Variants in ABLIM3 observed in about 807,000 individuals in gnomAD.
ABLIM3 encodes actin binding LIM protein family member 3.
A neutral mutation model predicts 109.5 loss-of-function variants in ABLIM3; 61 were observed. The ratio of observed to expected loss-of-function variants is 0.56; its 90% CI spans 0.45 to 0.69. The LOEUF (loss-of-function observed/expected upper bound fraction) is 0.69. ABLIM3 is among the 30% of genes least tolerant of loss of function. The pLI is 0.00. For missense variants in ABLIM3, 796 were observed against 889.5 expected, an observed-to-expected ratio of 0.89 and a Z score of 1.34; for synonymous variants, 300 against 324.8, an observed-to-expected ratio of 0.92 and a Z score of 0.82.
At chr5:149,213,181 A>G (rs903299764) in intron 7 of ABLIM3, among the ~76,000 whole-genome samples, 6 of 152,176 alleles carry the variant, frequency 3.9e-5, no homozygotes, top group African/African-American at 1.4e-4. Context: ...GGCCTGGAGG[A>G]GCCAATCTTA....
Position 149,246,498 on chromosome 5 carries a change from G to C in ABLIM3, c.1503G>C (p.Arg501Ser). Residue 501 changes from arginine to serine, a missense_variant, in exon 17 of 24, where the codon AGG becomes AGC. Coordinates refer to ENST00000309868, the MANE Select transcript of ABLIM3 (RefSeq NM_014945.5). ...TTTTGACAGTGCCCCGAGCCAGAAG[G>C]TTCTCGTCTGGAGGAGAGGAGGATG... ...HGSPKVPRAR[R>S]FSSGGEEDDF... is the part of the protein sequence containing the mutation. The C allele has an allele frequency of 6.2e-7, 1 of 1,614,138 alleles. No individual in the cohort carries two copies. The highest frequency in any genetic ancestry group is 1.1e-5 in the South Asian group (1 of 91,080).
intron 8 of ABLIM3, among the ~76,000 whole-genome samples, chr5:149,223,793 C>T (rs1760904569): frequency 6.6e-6 from 1 of 152,172 alleles, no homozygotes; most frequent in Non-Finnish European, 1.5e-5. Flanking sequence ...CAGAGACGGA[C>T]AAGCAGGTTA....
At chr5:149,243,000 C>G (rs907963935) in intron 15 of ABLIM3, among the ~76,000 whole-genome samples, 8 of 152,116 alleles carry the variant, frequency 5.3e-5, no homozygotes, top group Non-Finnish European at 1.0e-4. Context: ...CTTGGGAACC[C>G]CTGCTGTAAG....
chr5:149,245,423 A>G (rs1753252276), intron 16 of ABLIM3, among the ~76,000 whole-genome samples: 1 of 152,254 alleles, frequency 6.6e-6, no homozygotes, highest in East Asian at 1.9e-4. Flanking sequence ...GCAAAGACCC[A>G]GGATGTGAGA....
At chr5:149,250,713 A>G (rs1753838338) in intron 20 of ABLIM3, among the ~76,000 whole-genome samples, 1 of 152,174 alleles carries the variant, frequency 6.6e-6, no homozygotes, top group Non-Finnish European at 1.5e-5. Flanking sequence ...GGGAACAACT[A>G]GTACTTATTG....
At chr5:149,210,486 A>C (rs1430341801) in intron 6 of ABLIM3, among the ~76,000 whole-genome samples, 2 of 152,248 alleles carry the variant, frequency 1.3e-5, no homozygotes, top group African/African-American at 4.8e-5. Flanking sequence ...CTGTCCGCCA[A>C]GTGATAAACA....
intron 2 of ABLIM3, among the ~76,000 whole-genome samples, chr5:149,159,155 A>C (rs922986125): frequency 1.3e-5 from 2 of 152,258 alleles, no homozygotes; most frequent in Non-Finnish European, 2.9e-5. Flanking sequence ...ATGGATAAAC[A>C]ATCTGTGATT....
intron 5 of ABLIM3, 22 bp downstream of exon 5, chr5:149,200,450 C>T (rs1284318231): frequency 2.5e-6 from 4 of 1,605,530 alleles, no homozygotes; most frequent in Non-Finnish European, 3.4e-6. Context: ...CCACGGGTAT[C>T]TCCCTGTCCA....
At chr5:149,221,328 A>G (rs1279983353) in intron 8 of ABLIM3, among the ~76,000 whole-genome samples, 1 of 152,226 alleles carries the variant, frequency 6.6e-6, no homozygotes, top group African/African-American at 2.4e-5. Flanking sequence ...TGGGGACTCC[A>G]TAAAGCAACT....
intron 2 of ABLIM3, among the ~76,000 whole-genome samples, chr5:149,149,875 G>A (rs897236099): frequency 3.9e-5 from 6 of 152,184 alleles, no homozygotes; most frequent in African/African-American, 1.4e-4. Flanking sequence ...TGTGGCTCAT[G>A]ACCCACTGCT....
rs1248916631 is a variant in ABLIM3, at chr5:149,258,976, G to C, written c.*572G>C. 2.1e-5 allele frequency: 21 copies of C among 991,642 alleles called. No homozygotes were observed. The highest frequency in any genetic ancestry group is 5.7e-5 in the Admixed American group (1 of 17,484). 61.4% of individuals were successfully genotyped at this position (991,642 alleles called of 1,614,324 possible). A position where few individuals can be genotyped will look rare whatever the true frequency, so the allele number is the denominator to read the frequency against. On this transcript the variant is annotated 3_prime_UTR_variant, in exon 24 of 24. Transcript: ENST00000309868. ...AATCTAGTCATTACACCAGTCAACA[G>C]AAGTGGACAGGGCCTAGGCCTCTCC...
chr5:149,226,584 G>T (rs926609384), intron 8 of ABLIM3, among the ~76,000 whole-genome samples: 5 of 152,188 alleles, frequency 3.3e-5, no homozygotes, highest in Non-Finnish European at 7.3e-5. Context: ...AGTGGGAAGG[G>T]CTGGGAGTCA....
intron 8 of ABLIM3, among the ~76,000 whole-genome samples, chr5:149,230,175 C>G: frequency 6.6e-6 from 1 of 152,174 alleles, no homozygotes; most frequent in Non-Finnish European, 1.5e-5. Flanking sequence ...CCTCTTCACC[C>G]CACAAACATG....
intron 23 of ABLIM3, 124 bp downstream of exon 23, chr5:149,252,961 AAGC>A: frequency 1.4e-6 from 1 of 716,340 alleles, no homozygotes; most frequent in East Asian, 2.9e-5. Context: ...CTTATTGAAA[AAGC>A]AGGGACTTGA....
intron 2 of ABLIM3, among the ~76,000 whole-genome samples, chr5:149,157,357 T>C (rs1753945371): frequency 6.6e-6 from 1 of 152,160 alleles, no homozygotes; most frequent in Non-Finnish European, 1.5e-5. Context: ...TTGCTCCCGA[T>C]TCACATTTCC....
intron 7 of ABLIM3, among the ~76,000 whole-genome samples, chr5:149,215,650 C>G (rs543237215): frequency 6.6e-6 from 1 of 152,256 alleles, no homozygotes; most frequent in African/African-American, 2.4e-5. Context: ...CCTTTAAGAA[C>G]CCCTAACATC....
chr5:149,239,353 C>A, intron 12 of ABLIM3, 76 bp downstream of exon 12: 1 of 1,516,248 alleles, frequency 6.6e-7, no homozygotes, highest in South Asian at 1.1e-5. Context: ...CCCCAGCCCC[C>A]CGAAGGTGTC....
chr5:149,203,468 T>G (rs988147123), intron 5 of ABLIM3, among the ~76,000 whole-genome samples: 1 of 151,884 alleles, frequency 6.6e-6, no homozygotes, highest in African/African-American at 2.4e-5. Flanking sequence ...ATCGTCACCA[T>G]CATCATGACC....
intron 7 of ABLIM3, 111 bp from the exon 8 acceptor site, chr5:149,216,848 C>T (rs1401578667): frequency 3.2e-6 from 3 of 947,082 alleles, no homozygotes; most frequent in Admixed American, 2.0e-5. Context: ...AACTTTAGGG[C>T]CATGAAGATG....
Sources: gnomAD v4.1 joint callset for allele counts (sites outside exome capture counted in the v4.1 genomes callset) on GRCh38, gnomAD v4.1.1 for gene constraint, MANE v1.5 for transcripts, NCBI Gene and HGNC (gene_info 2026-07-23, HGNC 2026-07-21) for gene names.